The following EIF2AK4 variants were observed in gnomAD, a reference collection of about 807,000 sequenced individuals.
EIF2AK4 encodes the protein eIF-2-alpha kinase GCN2.
In EIF2AK4, 139 loss-of-function variants were observed where a neutral mutation model predicts 211.1. The observed-to-expected ratio is 0.66, with a 90% CI of 0.57 to 0.76. EIF2AK4 has a LOEUF of 0.76. Ranked by LOEUF, EIF2AK4 falls within the 30% of genes least tolerant of loss-of-function variation. The probability of loss-of-function intolerance (pLI) is 0.00; values close to 1 mark genes in which losing one functional copy is unlikely to be tolerated. For missense variants in EIF2AK4, 1,664 were observed against 2,043.8 expected (o/e 0.81, Z 3.58); for synonymous variants, 710 against 751.3 (o/e 0.94, Z 0.90).
At chr15:40,022,177 T>C (rs1023537597) in intron 31 of EIF2AK4, 1 of 168,016 alleles carries the variant, frequency 6.0e-6, no homozygotes, top group Non-Finnish European at 1.2e-5. Context: ...AGAGGCTTTT[T>C]CAGCGTGTGT....
At chr15:40,001,648 A>AG (rs1555420710) in intron 21 of EIF2AK4, among the ~76,000 whole-genome samples, 16 of 151,744 alleles carry the variant, frequency 1.1e-4, no homozygotes, top group African/African-American at 1.7e-4. Context: ...AAAAAAAAAA[A>AG]AAAGAAACAG....
chr15:39,992,458 G>C (rs2034956764), intron 17 of EIF2AK4: 2 of 532,594 alleles, frequency 3.8e-6, no homozygotes, highest in African/African-American at 1.9e-5. Context: ...TTGGCTCCCA[G>C]GGGTAGACAG....
intron 24 of EIF2AK4, 31 bp downstream of exon 24, chr15:40,007,096 G>T: frequency 6.6e-7 from 1 of 1,525,756 alleles, no homozygotes; most frequent in South Asian, 1.1e-5. Flanking sequence ...CCATTTGGTA[G>T]ACATAGGAAA....
intron 3 of EIF2AK4, 68 bp from the exon 4 acceptor site, chr15:39,949,048 G>A (rs1341172862): frequency 3.2e-6 from 5 of 1,581,542 alleles, no homozygotes; most frequent in Non-Finnish European, 4.3e-6. Flanking sequence ...TTCCTGTTCT[G>A]TAGCCTCTCC....
Position 39,976,703 on chromosome 15 carries a change from C to A in EIF2AK4, c.2108C>A (p.Pro703His), listed in dbSNP as rs867502856. 3 of 1,601,534 alleles carry A rather than the reference C, an allele frequency of 1.9e-6. No homozygotes were observed. The highest frequency in any genetic ancestry group is 1.7e-4 in the Middle Eastern group (1 of 6,038). The change falls in exon 12 of 39, where the codon CCC becomes CAC. Residue 703 changes from proline to histidine, a missense_variant. This residue lies in a region of EIF2AK4 where 206 missense variants were observed against 201.9 expected (regional missense o/e 1.02). Coordinates refer to ENST00000263791, the MANE Select transcript of EIF2AK4 (RefSeq NM_001013703.4). Reference sequence around the variant, plus strand: ...AGCGTAGAGGCCGCCGCGCCGCCACCCATCCTCAGCAGCTCGGTGGAGTGG... The same window carrying A: ...AGCGTAGAGGCCGCCGCGCCGCCACACATCCTCAGCAGCTCGGTGGAGTGG... ...LDSVEAAAPP[P>H]ILSSSVEWST...
At chr15:39,964,954 T>G (rs529947694) in intron 7 of EIF2AK4, among the ~76,000 whole-genome samples, 1 of 152,378 alleles carries the variant, frequency 6.6e-6, no homozygotes, top group South Asian at 2.1e-4. Context: ...TGTTTTACTG[T>G]GCACACTAAT....
chr15:39,946,577 G>C (rs781341308), intron 3 of EIF2AK4: 1 of 702,072 alleles, frequency 1.4e-6, no homozygotes, highest in South Asian at 1.5e-5. Context: ...CATAAACTTT[G>C]TTTTGAAGCA....
At chr15:40,021,398 C>A (rs969431069) in intron 31 of EIF2AK4, 10 of 159,048 alleles carry the variant, frequency 6.3e-5, no homozygotes, top group Admixed American at 2.6e-4. Context: ...TGAAGCGCCT[C>A]CTTCCTTGCT....
At chr15:40,005,132 T>C (rs915486038) in intron 23 of EIF2AK4, among the ~76,000 whole-genome samples, 9 of 152,218 alleles carry the variant, frequency 5.9e-5, no homozygotes, top group African/African-American at 2.2e-4. Context: ...AGGATGCGCA[T>C]AGGCTATAGG....
chr15:39,947,730 C>G (rs1160579015), intron 3 of EIF2AK4, among the ~76,000 whole-genome samples: 1 of 152,176 alleles, frequency 6.6e-6, no homozygotes, highest in Non-Finnish European at 1.5e-5. Flanking sequence ...CTTTACAAGG[C>G]ATTCAGGAGA....
chr15:39,995,669 T>C (rs2035008918), intron 18 of EIF2AK4, among the ~76,000 whole-genome samples: 1 of 152,122 alleles, frequency 6.6e-6, no homozygotes, highest in Non-Finnish European at 1.5e-5. Context: ...GACTTTAGTG[T>C]TTTTTTCTGT....
Position 40,020,972 on chromosome 15 carries a change from C to T in EIF2AK4, c.4247C>T (p.Thr1416Ile), listed in dbSNP as rs978004028. 6.2e-7 allele frequency: 1 copy of T among 1,613,830 alleles called. No individual in the cohort carries two copies. The highest frequency in any genetic ancestry group is 1.7e-5 in the Admixed American group (1 of 59,984). ...TCTATGTCCAGGGCCATCAACCTAA[C>T]CCAGAAACTCTGGACAGCAGGCATC... ...QMSMSRAINL[T>I]QKLWTAGITA... The change falls in exon 31 of 39, where the codon ACC becomes ATC. Residue 1416 changes from threonine (T) to isoleucine (I), a missense_variant. Transcript: ENST00000263791.
intron 12 of EIF2AK4, chr15:39,977,743 ATT>A (rs1400371770): frequency 5.8e-6 from 1 of 171,684 alleles, no homozygotes; most frequent in Non-Finnish European, 1.2e-5. Context: ...CAAACCAATA[ATT>A]ATGATCCTAA....
chr15:40,030,492 T>C lies in EIF2AK4; in HGVS notation c.4659+36T>C, dbSNP rs749674315. ...TCAGGGTTTCTTTGGCTTTCTAATA[T>C]GAGTTACAGAAGAGAAAAACAACAA... On this transcript the variant is annotated intron_variant, in intron 35 of 38. Coordinates refer to ENST00000263791, the MANE Select transcript of EIF2AK4 (RefSeq NM_001013703.4). 26 of 1,553,412 alleles carry C rather than the reference T, an allele frequency of 1.7e-5. No individual in the cohort carries two copies. In the East Asian group the frequency reaches 4.1e-4, roughly 24 times the overall value.
Position 40,009,695 on chromosome 15 carries a change from C to T in EIF2AK4, c.3658C>T (p.Leu1220Phe), listed in dbSNP as rs776312718. 3.0e-5 allele frequency: 48 copies of T among 1,608,852 alleles called. No homozygotes were observed. Among genetic ancestry groups the T allele is most frequent in the Non-Finnish European group, 3.8e-5 (45 of 1,177,014 alleles). The part of the protein sequence containing the change: ...LLHCGIPEDK[L>F]SQVYIILYDA... Reference sequence around the variant, plus strand: ...ACACTGTGGGATCCCAGAAGATAAACTCAGTCAAGTCTACATTATTCTGTA... The same window carrying T: ...ACACTGTGGGATCCCAGAAGATAAATTCAGTCAAGTCTACATTATTCTGTA... Residue 1220 changes from leucine (L) to phenylalanine (F), a missense_variant, in exon 26 of 39, where the codon CTC becomes TTC. Around this residue, in one of 7 missense-constraint regions of EIF2AK4, gnomAD observed 622 missense variants for 796.8 expected, o/e 0.78. Transcript: ENST00000263791.
At chr15:40,017,082 C>G (rs981810858) in intron 28 of EIF2AK4, 26 bp from the exon 29 acceptor site, 5 of 1,599,988 alleles carry the variant, frequency 3.1e-6, no homozygotes, top group Non-Finnish European at 8.6e-7. Flanking sequence ...ACCCTTGACA[C>G]ATTTGTGTGG....
Position 39,949,229 on chromosome 15 carries a change from G to C in EIF2AK4, c.474G>C (p.Gln158His), listed in dbSNP as rs769735206. 6.2e-7 allele frequency: 1 copy of C among 1,614,106 alleles called. No individual in the cohort carries two copies. Among genetic ancestry groups the C allele is most frequent in the South Asian group, 1.1e-5 (1 of 91,084 alleles). ...TGGAAAGGCGGGCTCAGGAGGAGCA[G>C]CAGAGGCTGTTGGAGGCCAAGCGGA... ...EMLERRAQEE[Q>H]QRLLEAKRKE... The change falls in exon 4 of 39, where the codon CAG (glutamine) becomes CAC (histidine). Residue 158 changes from glutamine to histidine, a missense_variant. This residue lies in a region of EIF2AK4 where 641 missense variants were observed against 729.6 expected (regional missense o/e 0.88). Transcript: ENST00000263791.
At chr15:40,018,034 C>CT (rs2035333703) in intron 29 of EIF2AK4, among the ~76,000 whole-genome samples, 1 of 152,078 alleles carries the variant, frequency 6.6e-6, no homozygotes, top group South Asian at 2.1e-4. Flanking sequence ...AATGTAGAAA[C>CT]TTTATCTCCC....
intron 33 of EIF2AK4, among the ~76,000 whole-genome samples, chr15:40,028,857 G>T (rs972011319): frequency 2.6e-5 from 4 of 152,224 alleles, no homozygotes; most frequent in African/African-American, 4.8e-5. Context: ...GCAGGGAAAG[G>T]TTCAAAGTTT....
Sources: allele counts gnomAD v4.1 joint callset (sites outside exome capture counted in the v4.1 genomes callset), GRCh38; gene constraint gnomAD v4.1.1; regional missense constraint gnomAD v4.1.1; transcripts MANE v1.5; gene names NCBI Gene and HGNC (gene_info 2026-07-23, HGNC 2026-07-21).